The following SP1 variants were observed in gnomAD, a reference collection of about 807,000 sequenced individuals.
SP1 encodes the protein Sp1 transcription factor, also known as transcription factor Sp1.
SP1 carries 6 observed loss-of-function variants against 66.3 expected under a neutral mutation model. The ratio of observed to expected loss-of-function variants is 0.09; its 90% CI spans 0.05 to 0.18. The LOEUF is 0.18. Among genes scored for constraint, SP1 ranks in the 10% least tolerant of loss-of-function variants. SP1 has a pLI of 1.00. For missense variants in SP1, 848 were observed against 964.5 expected, an observed-to-expected ratio of 0.88 and a Z score of 1.60; for synonymous variants, 417 against 360.8, an observed-to-expected ratio of 1.16 and a Z score of -1.77.
intron 3 of SP1, among the ~76,000 whole-genome samples, chr12:53,399,714 C>T (rs902450457): frequency 7.0e-4 from 106 of 151,750 alleles, no homozygotes; most frequent in African/African-American, 2.4e-3. Flanking sequence ...TCCGGCTCAC[C>T]GCAACCTCCG....
rs543814310 is a variant in SP1 at position 53,386,082 on chromosome 12, C to CT, written c.1675+2461dup. On this transcript the variant is annotated intron_variant, in intron 3 of 5. Transcript: ENST00000327443. ...AGTATTAACCAGAATATCCCACACTCTGAGTGTGCTGGTTAATCAGGATTG... is the reference window on the plus strand; with the variant it reads ...AGTATTAACCAGAATATCCCACACTCTTGAGTGTGCTGGTTAATCAGGATTG... 1.7e-4 allele frequency among the ~76,000 whole-genome samples: 26 copies of CT among 152,300 alleles called. 1 individual carries two copies. The East Asian group carries it at 5.0e-3, about 29-fold the overall frequency.
chr12:53,406,364 C>CA (rs1377718898), intron 3 of SP1, among the ~76,000 whole-genome samples: 1 of 152,034 alleles, frequency 6.6e-6, no homozygotes, highest in Non-Finnish European at 1.5e-5. Context: ...CCACTGCGCC[C>CA]AGCCACTCTT....
At chr12:53,394,865 C>T (rs1431743896) in intron 3 of SP1, among the ~76,000 whole-genome samples, 1 of 151,718 alleles carries the variant, frequency 6.6e-6, no homozygotes, top group Admixed American at 6.6e-5. Flanking sequence ...CCACCCGCCT[C>T]GGCCTCCCAA....
At chr12:53,401,731 T>G (rs1375853765) in intron 3 of SP1, among the ~76,000 whole-genome samples, 2 of 152,152 alleles carry the variant, frequency 1.3e-5, no homozygotes, top group Non-Finnish European at 2.9e-5. Flanking sequence ...CTACAATGTG[T>G]GATCTTGGCT....
Position 53,382,385 on chromosome 12 carries a change from G to T in SP1, c.438G>T (p.Gln146His), listed in dbSNP as rs754601741. ...SSKNRTVSGG[Q>H]YVVAAAPNLQ... Reference sequence around the variant, plus strand: ...AGAATCGCACAGTCTCTGGTGGGCAGTATGTTGTGGCTGCCGCTCCCAACT... The same window carrying T: ...AGAATCGCACAGTCTCTGGTGGGCATTATGTTGTGGCTGCCGCTCCCAACT... The change falls in exon 3 of 6, where the codon CAG becomes CAT. Residue 146 changes from glutamine to histidine, a missense_variant. Physicochemically the swap from Gln to His is conservative, Grantham distance 24. This residue lies in a region of SP1 where 606 missense variants were observed against 589.9 expected (regional missense o/e 1.03). Coordinates refer to ENST00000327443, the MANE Select transcript of SP1 (RefSeq NM_138473.3). 6.2e-7 allele frequency: 1 copy of T among 1,614,242 alleles called. No individual in the cohort carries two copies. The highest frequency in any genetic ancestry group is 2.2e-5 in the East Asian group (1 of 44,890).
chr12:53,382,019 G>A, intron 2 of SP1, 91 bp from the exon 3 acceptor site: 1 of 1,297,778 alleles, frequency 7.7e-7, no homozygotes, highest in Admixed American at 2.1e-5. Flanking sequence ...CTCCTTGTCT[G>A]CACTACGTTG....
rs567683426 is a variant in SP1, at chr12:53,406,848, C to T, written c.1844+95C>T. Reference sequence around the variant, plus strand: ...GATTAATTTTTTTTTTTTTTGAGACCGAGTCTGACTCTGTTGCCCAGGCTG... The same window carrying T: ...GATTAATTTTTTTTTTTTTTGAGACTGAGTCTGACTCTGTTGCCCAGGCTG... On this transcript the variant is annotated intron_variant, in intron 4 of 5. Coordinates refer to ENST00000327443, the MANE Select transcript of SP1 (RefSeq NM_138473.3). 96 of 1,032,592 alleles carry T rather than the reference C, an allele frequency of 9.3e-5. 2 individuals carry two copies. In the South Asian group the frequency reaches 1.3e-3, roughly 14 times the overall value. The allele number at this position is 1,032,592 out of a possible 1,614,324, so 64.0% of individuals were successfully genotyped here.
chr12:53,400,588 T>G (rs1938588401), intron 3 of SP1, among the ~76,000 whole-genome samples: 1 of 151,966 alleles, frequency 6.6e-6, no homozygotes, highest in African/African-American at 2.4e-5. Flanking sequence ...TATCTTTGTT[T>G]TGTTTTGTTT....
At position 53,380,634 on chromosome 12, in the gene SP1, C is replaced by G. The variant is rs943057916; in HGVS notation, c.7+336C>G. The G allele has an allele frequency of 5.0e-6, 5 of 1,000,930 alleles. No individual in the cohort carries two copies. The African/African-American group carries it at 7.0e-5, about 14-fold the overall frequency. The allele number at this position is 1,000,930 out of a possible 1,614,324, so 62.0% of individuals were successfully genotyped here. A position where few individuals can be genotyped will look rare whatever the true frequency, so the allele number is the denominator to read the frequency against. On this transcript the variant is annotated intron_variant, in intron 1 of 5. Transcript: ENST00000327443. ...GGGGGCTGGAGCCGCGGGGGCGGCCCGAGCAGCGAAGGCCCCGCCCGGGCC... is the reference window on the plus strand; with the variant it reads ...GGGGGCTGGAGCCGCGGGGGCGGCCGGAGCAGCGAAGGCCCCGCCCGGGCC...
chr12:53,389,772 G>C (rs946964988), intron 3 of SP1, among the ~76,000 whole-genome samples: 1 of 152,082 alleles, frequency 6.6e-6, no homozygotes, highest in African/African-American at 2.4e-5. Context: ...TCTTGCCGCA[G>C]GTTGACGGGG....
intron 3 of SP1, among the ~76,000 whole-genome samples, chr12:53,404,577 T>C (rs1938687499): frequency 2.0e-5 from 3 of 152,114 alleles, no homozygotes; most frequent in Non-Finnish European, 2.9e-5. Flanking sequence ...TCTGTCACTT[T>C]TTACCAGTGG....
chr12:53,380,236 GC>G lies in SP1; in HGVS notation c.-48del, dbSNP rs1194377685. ...CTCGTCAGCGTCCGCGTTTTTCCCG[GC>G]CCCCCCCAACCCCCCCGGACAGGAC... On this transcript the variant is annotated 5_prime_UTR_variant, in exon 1 of 6. Coordinates refer to ENST00000327443, the MANE Select transcript of SP1 (RefSeq NM_138473.3). The G allele has an allele frequency of 1.6e-4, 166 of 1,022,806 alleles. No homozygotes were observed. Among genetic ancestry groups the G allele is most frequent in the Middle Eastern group, 1.3e-3 (6 of 4,788 alleles). 63.4% of individuals were successfully genotyped at this position (1,022,806 alleles called of 1,614,324 possible).
intron 1 of SP1, 195 bp from the exon 2 acceptor site, chr12:53,381,464 C>T: frequency 6.6e-6 from 3 of 457,718 alleles, no homozygotes; most frequent in Middle Eastern, 5.9e-4. Flanking sequence ...TTAAGGCCCA[C>T]TTTTGGCACA....
chr12:53,402,751 G>T (rs1048370927), intron 3 of SP1, among the ~76,000 whole-genome samples: 1 of 151,710 alleles, frequency 6.6e-6, no homozygotes, highest in African/African-American at 2.4e-5. Flanking sequence ...CGGATCATGA[G>T]GTCAGGAGTT....
At position 53,410,558 on chromosome 12, in the gene SP1, G is replaced by C. The variant is rs546004848; in HGVS notation, c.2045-369G>C. Among the ~76,000 whole-genome samples the C allele has an allele frequency of 3.3e-5, 5 of 151,794 alleles. No homozygotes were observed. The South Asian group carries it at 1.0e-3, about 32-fold the overall frequency. ...GAGTCTCTGTCGCCCAGGCTGGAGT[G>C]CAGTGGCGCGATCTCGGCTCACTGC... On this transcript the variant is annotated intron_variant, in intron 5 of 5. Transcript: ENST00000327443.
Position 53,414,826 on chromosome 12 carries a change from G to C in SP1, c.*3586G>C, listed in dbSNP as rs950625394. On this transcript the variant is annotated 3_prime_UTR_variant, in exon 6 of 6. Coordinates refer to ENST00000327443, the MANE Select transcript of SP1 (RefSeq NM_138473.3). ...CCTGTTATGCTTAGGGGGAGCCCTG[G>C]TGCTACTTGCTTGAAGTTTTCAGTG... 2.0e-5 allele frequency: 3 copies of C among 152,586 alleles called. No individual in the cohort carries two copies. Among genetic ancestry groups the C allele is most frequent in the African/African-American group, 7.2e-5 (3 of 41,428 alleles). The allele number at this position is 152,586 out of a possible 1,614,324, so 9.5% of individuals were successfully genotyped here.
At chr12:53,400,462 C>T (rs1314409167) in intron 3 of SP1, among the ~76,000 whole-genome samples, 1 of 152,130 alleles carries the variant, frequency 6.6e-6, no homozygotes, top group African/African-American at 2.4e-5. Context: ...ATGCATAATG[C>T]TGCTATGAAT....
chr12:53,405,956 C>A, intron 3 of SP1, among the ~76,000 whole-genome samples: 1 of 150,590 alleles, frequency 6.6e-6, no homozygotes, highest in Admixed American at 6.6e-5. Flanking sequence ...CATATGTAAC[C>A]TACACGTTGT....
chr12:53,381,343 A>T (rs976110923), intron 1 of SP1: 1 of 194,730 alleles, frequency 5.1e-6, no homozygotes, highest in African/African-American at 2.4e-5. Flanking sequence ...TTTTTCCCTT[A>T]GGATACTTTT....
Sources: gnomAD v4.1 joint callset for allele counts (sites outside exome capture counted in the v4.1 genomes callset) on GRCh38, gnomAD v4.1.1 for gene constraint, gnomAD v4.1.1 regional missense constraint, MANE v1.5 for transcripts, NCBI Gene and HGNC (gene_info 2026-07-23, HGNC 2026-07-21) for gene names.